The following UBE2D2 variants were observed in gnomAD, a reference collection of about 807,000 sequenced individuals.
The protein encoded by UBE2D2 is ubiquitin-conjugating enzyme E2 D2.
UBE2D2 carries 2 observed loss-of-function variants against 24.2 expected under a neutral mutation model. That is an observed-to-expected ratio of 0.08 (90% CI 0.03 to 0.26). The LOEUF (loss-of-function observed/expected upper bound fraction) is 0.26, where lower values mean the gene tolerates loss of function less well. Among genes scored for constraint, UBE2D2 ranks in the 10% least tolerant of loss-of-function variants. The probability of loss-of-function intolerance (pLI) is 1.00; values close to 1 mark genes in which losing one functional copy is unlikely to be tolerated. For synonymous variants in UBE2D2, 58 were observed against 56.5 expected (o/e 1.03, Z -0.12); for missense variants, 44 against 177.6 (o/e 0.25, Z 4.28).
At chr5:139,625,418 A>C (rs1226843938) in intron 6 of UBE2D2, among the ~76,000 whole-genome samples, 11 of 58,928 alleles carry the variant, frequency 1.9e-4, no homozygotes, top group Admixed American at 4.7e-4. Flanking sequence ...CAAGGCCAGC[A>C]TACCCACCCC....
intron 2 of UBE2D2, among the ~76,000 whole-genome samples, chr5:139,601,743 A>G (rs1353574154): frequency 4.6e-5 from 7 of 152,072 alleles, no homozygotes; most frequent in African/African-American, 9.7e-5. Flanking sequence ...CCCCGCCTCT[A>G]CTAAAAATAG....
In UBE2D2 at chr5:139,549,311, G is replaced by C. The variant is rs1334357648; in HGVS notation, c.-64+22699G>C. 2.0e-5 allele frequency among the ~76,000 whole-genome samples: 3 copies of C among 152,322 alleles called. No homozygotes were observed. In the East Asian group the frequency reaches 5.8e-4, roughly 30 times the overall value. On this transcript the variant is annotated intron_variant, in intron 1 of 6. Transcript: ENST00000511725. ...CCTCTCTGGGCTAGCTGAGGCCGGA[G>C]CCAGCTCCCTCTGCTTGCGGGGAGG...
At chr5:139,548,177 AAAAAAAT>A (rs1270783632) in intron 1 of UBE2D2, among the ~76,000 whole-genome samples, 12 of 39,246 alleles carry the variant, frequency 3.1e-4, no homozygotes, top group African/African-American at 7.1e-4. Flanking sequence ...AAAAAAAAAA[AAAAAAAT>A]AAAAAAAAAA....
intron 2 of UBE2D2, among the ~76,000 whole-genome samples, chr5:139,608,457 T>A (rs1754241521): frequency 6.6e-6 from 1 of 151,708 alleles, no homozygotes. Context: ...AGAAGGGTAT[T>A]CTGGGTATTC....
intron 1 of UBE2D2, among the ~76,000 whole-genome samples, chr5:139,535,054 C>T (rs748797060): frequency 6.6e-6 from 1 of 151,418 alleles, no homozygotes; most frequent in Non-Finnish European, 1.5e-5. Flanking sequence ...TGGGGAGAAT[C>T]GCTTGAACCT....
At chr5:139,626,629 G>C (rs1754634523) in intron 6 of UBE2D2, 127 bp from the exon 7 acceptor site, 1 of 737,512 alleles carries the variant, frequency 1.4e-6, no homozygotes, top group African/African-American at 1.8e-5. Flanking sequence ...ATTTGGGATA[G>C]AAAGGGGCCT....
At chr5:139,597,252 A>G (rs1021444141) in intron 1 of UBE2D2, among the ~76,000 whole-genome samples, 5 of 152,144 alleles carry the variant, frequency 3.3e-5, no homozygotes, top group South Asian at 2.1e-4. Context: ...CACTGGAACC[A>G]TGGATCTGCT....
chr5:139,567,539 T>TG (rs1173196839), intron 1 of UBE2D2, among the ~76,000 whole-genome samples: 1 of 145,654 alleles, frequency 6.9e-6, no homozygotes, highest in African/African-American at 2.6e-5. Flanking sequence ...GTTTTTTTTT[T>TG]TTTTTTTTTT....
intron 1 of UBE2D2, among the ~76,000 whole-genome samples, chr5:139,581,521 T>G (rs952619796): frequency 2.6e-5 from 4 of 152,080 alleles, no homozygotes; most frequent in Non-Finnish European, 2.9e-5. Flanking sequence ...GATTTTGAAT[T>G]TTTTCGGATT....
chr5:139,549,099 C>T (rs1752871800), intron 1 of UBE2D2, among the ~76,000 whole-genome samples: 2 of 152,182 alleles, frequency 1.3e-5, no homozygotes, highest in African/African-American at 4.8e-5. Flanking sequence ...CTGCCTGCCT[C>T]TGCCTCCCAA....
Position 139,552,289 on chromosome 5 carries a change from C to T in UBE2D2, c.-64+25677C>T, listed in dbSNP as rs141689752. Reference sequence around the variant, plus strand: ...GCAATTGTCCTGCCTCAGTCTCCCGCGCAGCTGGGATTACAGGTGTGCACC... The same window carrying T: ...GCAATTGTCCTGCCTCAGTCTCCCGTGCAGCTGGGATTACAGGTGTGCACC... On this transcript the variant is annotated intron_variant, in intron 1 of 6. Transcript: ENST00000511725. 4.0e-3 allele frequency among the ~76,000 whole-genome samples: 612 copies of T among 151,718 alleles called. 2 individuals carry two copies. Among genetic ancestry groups the T allele is most frequent in the African/African-American group, 0.014 (585 of 41,346 alleles).
rs1754640133 is a variant in UBE2D2 at position 139,626,866 on chromosome 5, T to C, written c.*65T>C. ...GGGAACTCTGAAAGAGAAAGTCCTT[T>C]TGATTTCCATTTGACTGCTTTCTAT... On this transcript the variant is annotated 3_prime_UTR_variant, in exon 7 of 7. Transcript: ENST00000398733. The C allele has an allele frequency of 4.2e-6, 6 of 1,434,034 alleles. No homozygotes were observed. Among genetic ancestry groups the C allele is most frequent in the Non-Finnish European group, 5.8e-6 (6 of 1,027,430 alleles). 88.8% of individuals were successfully genotyped at this position (1,434,034 alleles called of 1,614,324 possible).
At chr5:139,527,165 G>T (rs959268473) in intron 1 of UBE2D2, among the ~76,000 whole-genome samples, 2 of 152,184 alleles carry the variant, frequency 1.3e-5, no homozygotes, top group Non-Finnish European at 1.5e-5. Context: ...AGGTGGGTTG[G>T]CTATCAGAAG....
intron 1 of UBE2D2, among the ~76,000 whole-genome samples, chr5:139,541,026 G>A (rs886738255): frequency 2.6e-5 from 4 of 151,640 alleles, no homozygotes; most frequent in East Asian, 1.9e-4. Flanking sequence ...AGCTGGGCAC[G>A]GTAGCTCATC....
intron 1 of UBE2D2, among the ~76,000 whole-genome samples, chr5:139,590,443 T>TAAAAAAAAAAAA (rs1035963843): frequency 3.2e-5 from 3 of 95,046 alleles, no homozygotes; most frequent in Non-Finnish European, 4.7e-5. Context: ...TCAAAAAAAA[T>TAAAAAAAAAAAA]AAAAAAAAAA....
At chr5:139,538,089 A>G (rs2434576) in intron 1 of UBE2D2, among the ~76,000 whole-genome samples, 61,878 of 151,832 alleles carry the variant, frequency 0.41, 15,361 homozygotes, top group African/African-American at 0.7. Flanking sequence ...CTGGAGTGCA[A>G]TGGCAGGATC....
At position 139,539,575 on chromosome 5, in the gene UBE2D2, T is replaced by A. The variant is rs111235940; in HGVS notation, c.-64+12963T>A. On this transcript the variant is annotated intron_variant, in intron 1 of 6. Coordinates refer to the UBE2D2 transcript ENST00000511725. ...AATGGTATAAAACTATATACACACA[T>A]TGTACCAACATCAATTTCCTAATTT... Among the ~76,000 whole-genome samples, 53 of 152,160 alleles carry A rather than the reference T, an allele frequency of 3.5e-4. 2 individuals are homozygous for A. The Middle Eastern group carries it at 0.01, about 29-fold the overall frequency.
intron 2 of UBE2D2, among the ~76,000 whole-genome samples, chr5:139,606,928 C>A (rs1376757682): frequency 6.6e-6 from 1 of 152,172 alleles, no homozygotes. Context: ...CCTCAGCCTC[C>A]CAAGTAGCTG....
At chr5:139,625,216 C>A (rs1260024196) in intron 6 of UBE2D2, among the ~76,000 whole-genome samples, 1 of 151,652 alleles carries the variant, frequency 6.6e-6, no homozygotes, top group Non-Finnish European at 1.5e-5. Context: ...TGCCACTACA[C>A]CTTTCCAGCC....
Sources: allele counts gnomAD v4.1 joint callset (sites outside exome capture counted in the v4.1 genomes callset), GRCh38; gene constraint gnomAD v4.1.1; transcripts MANE v1.5; gene names NCBI Gene and HGNC (gene_info 2026-07-23, HGNC 2026-07-21).